Variants in DCDC2 observed in about 807,000 individuals in gnomAD.
The protein encoded by DCDC2 is doublecortin domain containing 2.
Under a neutral mutation model 50.2 loss-of-function variants are expected in DCDC2, and 40 were observed. The ratio of observed to expected loss-of-function variants is 0.80; its 90% CI spans 0.62 to 1.04. The LOEUF is 1.04. Among genes scored for constraint, DCDC2 ranks in the 50% least tolerant of loss-of-function variants. DCDC2 has a pLI of 0.00. For synonymous variants in DCDC2, 234 were observed against 210.6 expected (o/e 1.11, Z -0.96); for missense variants, 570 against 581.9 (o/e 0.98, Z 0.21).
chr6:24,316,802 T>C (rs1759675759), intron 2 of DCDC2, among the ~76,000 whole-genome samples: 1 of 152,040 alleles, frequency 6.6e-6, no homozygotes, highest in Non-Finnish European at 1.5e-5. Flanking sequence ...CTAAATACAA[T>C]TGTATTAAGT....
At chr6:24,198,873 A>T (rs565531640) in intron 8 of DCDC2, among the ~76,000 whole-genome samples, 3 of 152,336 alleles carry the variant, frequency 2.0e-5, no homozygotes, top group Non-Finnish European at 4.4e-5. Flanking sequence ...TTCCCCTCAC[A>T]GTGTAAACGA....
intron 7 of DCDC2, among the ~76,000 whole-genome samples, chr6:24,233,838 G>T (rs1165701414): frequency 2.0e-5 from 3 of 152,156 alleles, no homozygotes; most frequent in African/African-American, 7.2e-5. Flanking sequence ...TTGTATATAG[G>T]ATGGTGAAAT....
chr6:24,320,674 A>G (rs1212985617), intron 2 of DCDC2, among the ~76,000 whole-genome samples: 1 of 152,184 alleles, frequency 6.6e-6, no homozygotes, highest in Non-Finnish European at 1.5e-5. Flanking sequence ...ATAGACATGC[A>G]TAATAGATAC....
chr6:24,358,897 A>G (rs1386031233), upstream of DCDC2, among the ~76,000 whole-genome samples: 2 of 18,240 alleles, frequency 1.1e-4, no homozygotes, highest in Non-Finnish European at 1.6e-4. Flanking sequence ...ATTTATATAT[A>G]TAATATATTA....
chr6:24,213,408 T>G (rs1037916713), intron 7 of DCDC2, among the ~76,000 whole-genome samples: 3 of 152,002 alleles, frequency 2.0e-5, no homozygotes, highest in African/African-American at 7.2e-5. Flanking sequence ...TGGCAAAAAA[T>G]GTGGGGAACA....
chr6:24,278,082 A>G lies in DCDC2; in HGVS notation c.889T>C (p.Leu297=). 1 of 1,612,942 alleles carries G rather than the reference A, an allele frequency of 6.2e-7. No homozygotes were observed. The highest frequency in any genetic ancestry group is 8.5e-7 in the Non-Finnish European group (1 of 1,179,362). ...GGAATGGTTTCTTGTGAATTCTTTAATTTTACATTTTGTTTCAATTTCGTC... is the reference window on the plus strand; with the variant it reads ...GGAATGGTTTCTTGTGAATTCTTTAGTTTTACATTTTGTTTCAATTTCGTC... The part of the protein sequence containing the change: ...KLTKLKQNVK[L]KNSQETIPNS... The change falls in exon 7 of 10, where the codon TTA becomes CTA. Residue 297 remains leucine (L), a synonymous_variant. Coordinates refer to ENST00000378454, the MANE Select transcript of DCDC2 (RefSeq NM_016356.5).
chr6:24,319,872 G>A (rs1157771414), intron 2 of DCDC2, among the ~76,000 whole-genome samples: 1 of 152,056 alleles, frequency 6.6e-6, no homozygotes. Flanking sequence ...TATATATTTT[G>A]TATAGCTTAT....
intron 9 of DCDC2, among the ~76,000 whole-genome samples, chr6:24,177,852 T>A (rs1339665434): frequency 6.6e-6 from 1 of 152,192 alleles, no homozygotes; most frequent in Non-Finnish European, 1.5e-5. Flanking sequence ...CTATTTAAAG[T>A]AGAAAAAAGC....
chr6:24,182,694 G>A (rs1761105245), intron 8 of DCDC2, among the ~76,000 whole-genome samples: 1 of 148,076 alleles, frequency 6.8e-6, no homozygotes, highest in South Asian at 2.1e-4. Context: ...GAACTCCTGG[G>A]CATTTTGGGG....
chr6:24,276,912 G>A (rs754648660), intron 7 of DCDC2, among the ~76,000 whole-genome samples: 7 of 151,968 alleles, frequency 4.6e-5, no homozygotes, highest in Admixed American at 2.0e-4. Flanking sequence ...GAGCTGGGAC[G>A]AGAATCTAGG....
chr6:24,317,961 C>A (rs1453500185), intron 2 of DCDC2, among the ~76,000 whole-genome samples: 2 of 151,758 alleles, frequency 1.3e-5, no homozygotes, highest in African/African-American at 4.8e-5. Flanking sequence ...CCATTTCTCA[C>A]CTACTAGATG....
chr6:24,188,536 G>A (rs1029528957), intron 8 of DCDC2, among the ~76,000 whole-genome samples: 1 of 151,936 alleles, frequency 6.6e-6, no homozygotes, highest in Non-Finnish European at 1.5e-5. Flanking sequence ...AATCAGAAAG[G>A]TTTTTTTATA....
intron 7 of DCDC2, among the ~76,000 whole-genome samples, chr6:24,230,190 C>A (rs568835825): frequency 3.3e-4 from 50 of 152,292 alleles, no homozygotes; most frequent in African/African-American, 9.1e-4. Flanking sequence ...GTGAACAAAA[C>A]AAGCCAAAAT....
chr6:24,312,616 G>GC (rs1272675098), intron 2 of DCDC2, among the ~76,000 whole-genome samples: 1 of 152,080 alleles, frequency 6.6e-6, no homozygotes, highest in African/African-American at 2.4e-5. Context: ...GGTCCTATTG[G>GC]TCCCCATGTT....
chr6:24,323,075 T>C (rs1759800114), intron 2 of DCDC2, among the ~76,000 whole-genome samples: 2 of 152,230 alleles, frequency 1.3e-5, no homozygotes, highest in Admixed American at 1.3e-4. Flanking sequence ...CCAGATATGG[T>C]AGCTCACACC....
rs1324192430 is a variant in DCDC2, at chr6:24,173,677, A to C, written c.*1053T>G. The C allele has an allele frequency of 6.6e-6, 1 of 152,198 alleles. No homozygotes were observed. The highest frequency in any genetic ancestry group is 2.4e-5 in the African/African-American group (1 of 41,456). The allele number at this position is 152,198 out of a possible 1,614,324, so 9.4% of individuals were successfully genotyped here. A position where few individuals can be genotyped will look rare whatever the true frequency, so the allele number is the denominator to read the frequency against. On this transcript the variant is annotated 3_prime_UTR_variant, in exon 10 of 10. Transcript: ENST00000378454. ...TATCAGATGCCTTCTAATTACAAAG[A>C]AATCTGCTTGAAATTCTAACTATAT...
intron 2 of DCDC2, among the ~76,000 whole-genome samples, chr6:24,338,828 T>C (rs1760103071): frequency 6.6e-6 from 1 of 152,012 alleles, no homozygotes; most frequent in South Asian, 2.1e-4. Context: ...GTATTTTTAG[T>C]AGAGGGGGTT....
intron 7 of DCDC2, among the ~76,000 whole-genome samples, chr6:24,220,853 G>GGAGAGAGACAGACAGC (rs1554146279): frequency 3.2e-5 from 1 of 31,308 alleles, no homozygotes; most frequent in Non-Finnish European, 8.0e-5. Flanking sequence ...CATGGCGGCA[G>GGAGAGAGACAGACAGC]GAGAGAGACA....
chr6:24,196,764 A>G (rs1348600534), intron 8 of DCDC2, among the ~76,000 whole-genome samples: 1 of 152,136 alleles, frequency 6.6e-6, no homozygotes, highest in Non-Finnish European at 1.5e-5. Flanking sequence ...TCATAATTAA[A>G]CGAAAGAAAT....
Sources: allele counts gnomAD v4.1 joint callset (sites outside exome capture counted in the v4.1 genomes callset), GRCh38; gene constraint gnomAD v4.1.1; transcripts MANE v1.5; gene names NCBI Gene and HGNC (gene_info 2026-07-23, HGNC 2026-07-21).